CDC25A: variants seen among roughly 807,000 people sequenced by gnomAD.
CDC25A encodes the protein cell division cycle 25A.
A neutral mutation model predicts 64.6 loss-of-function variants in CDC25A; 17 were observed. The ratio of observed to expected loss-of-function variants is 0.26; its 90% CI spans 0.18 to 0.39. The LOEUF (loss-of-function observed/expected upper bound fraction) is 0.39. Ranked by LOEUF, CDC25A falls within the 10% of genes least tolerant of loss-of-function variation. CDC25A has a pLI of 1.00. For missense variants in CDC25A, 473 were observed against 654.8 expected, an observed-to-expected ratio of 0.72 and a Z score of 3.03; for synonymous variants, 229 against 238.6, an observed-to-expected ratio of 0.96 and a Z score of 0.37.
chr3:48,162,971 T>C (rs1338257628), intron 13 of CDC25A, among the ~76,000 whole-genome samples: 2 of 151,684 alleles, frequency 1.3e-5, no homozygotes, highest in East Asian at 3.9e-4. Flanking sequence ...GCCAATATAT[T>C]AAGACCCCAT....
chr3:48,181,575 G>A (rs1160699110), intron 5 of CDC25A: 22 of 1,564,264 alleles, frequency 1.4e-5, no homozygotes, highest in Middle Eastern at 1.9e-4. Context: ...CAGATTGTGC[G>A]GGACCACTGG....
intron 8 of CDC25A, among the ~76,000 whole-genome samples, chr3:48,177,080 A>G (rs1435005287): frequency 6.6e-6 from 1 of 152,238 alleles, no homozygotes; most frequent in Non-Finnish European, 1.5e-5. Flanking sequence ...ACCTAAAAAA[A>G]GTAAAGTATT....
intron 6 of CDC25A, among the ~76,000 whole-genome samples, chr3:48,178,800 A>G (rs1309842585): frequency 6.6e-6 from 1 of 152,262 alleles, no homozygotes; most frequent in Non-Finnish European, 1.5e-5. Flanking sequence ...AACATGGAAT[A>G]TAGAAAATTT....
intron 9 of CDC25A, 102 bp downstream of exon 9, chr3:48,174,171 ACAAAACCCCAG>A (rs2032370409): frequency 2.0e-6 from 2 of 1,022,686 alleles, no homozygotes; most frequent in Non-Finnish European, 2.9e-6. Flanking sequence ...ACACAACCCC[ACAAAACCCCAG>A]CAAATCTTAG....
At chr3:48,174,521 C>T in intron 8 of CDC25A, 64 bp from the exon 9 acceptor site, 1 of 1,486,176 alleles carries the variant, frequency 6.7e-7, no homozygotes, top group South Asian at 1.3e-5. Context: ...AATGGTAAGA[C>T]AAATAAACCG....
Position 48,158,410 on chromosome 3 carries a change from A to G in CDC25A, c.*535T>C, listed in dbSNP as rs2031613702. ...CCGAGGTAGTCCCTGGGATAATAAA[A>G]CCCTACCTAGAATGGCAGTATTTCA... On this transcript the variant is annotated 3_prime_UTR_variant, in exon 15 of 15. Coordinates refer to ENST00000302506, the MANE Select transcript of CDC25A (RefSeq NM_001789.3). 6.6e-6 allele frequency: 1 copy of G among 152,026 alleles called. No homozygotes were observed. Among genetic ancestry groups the G allele is most frequent in the Non-Finnish European group, 1.5e-5 (1 of 67,910 alleles). The allele number at this position is 152,026 out of a possible 1,614,324, so 9.4% of individuals were successfully genotyped here. A position where few individuals can be genotyped will look rare whatever the true frequency, so the allele number is the denominator to read the frequency against.
chr3:48,161,903 A>T (rs1559955559), intron 13 of CDC25A, among the ~76,000 whole-genome samples: 1 of 152,136 alleles, frequency 6.6e-6, no homozygotes, highest in African/African-American at 2.4e-5. Context: ...TCTACTAAAA[A>T]TACAAACATT....
At chr3:48,159,311 G>A (rs902179066) in intron 14 of CDC25A, 33 bp downstream of exon 14, 2 of 1,478,288 alleles carry the variant, frequency 1.4e-6, no homozygotes, top group Non-Finnish European at 1.9e-6. Context: ...GGGGGCAGGG[G>A]AGGAGAGATG....
At chr3:48,185,911 G>A (rs1186748695) in intron 2 of CDC25A, among the ~76,000 whole-genome samples, 1 of 152,194 alleles carries the variant, frequency 6.6e-6, no homozygotes, top group African/African-American at 2.4e-5. Context: ...TCTACATACA[G>A]AAGCCTACAT....
At chr3:48,177,808 A>G in intron 7 of CDC25A, 46 bp downstream of exon 7, 4 of 1,600,942 alleles carry the variant, frequency 2.5e-6, no homozygotes, top group Non-Finnish European at 3.4e-6. Context: ...TCCAGAGGTA[A>G]TTAATTAGTA....
Position 48,187,888 on chromosome 3 carries a change from A to AG in CDC25A, c.59dup (p.Pro21SerfsTer38), listed in dbSNP as rs2032906343. 5 of 1,545,098 alleles carry AG rather than the reference A, an allele frequency of 3.2e-6. No homozygotes were observed. The highest frequency in any genetic ancestry group is 4.4e-6 in the Non-Finnish European group (5 of 1,145,200). On this transcript the variant is annotated frameshift_variant, in exon 1 of 15. Coordinates refer to ENST00000302506, the MANE Select transcript of CDC25A (RefSeq NM_001789.3). LOFTEE classifies it high-confidence loss of function. ...CCTTCACGACGGGCTGCGACGCGGG[A>AG]GGGGGGCTGCAGGCGAAGAGCAGGC...
At chr3:48,187,655 C>T in intron 1 of CDC25A, 123 bp downstream of exon 1, 1 of 988,928 alleles carries the variant, frequency 1.0e-6, no homozygotes, top group Non-Finnish European at 1.4e-6. Flanking sequence ...GCCCGGCTGT[C>T]CCCGAGCGGC....
intron 5 of CDC25A, chr3:48,181,532 A>G (rs878867344): frequency 6.9e-7 from 1 of 1,447,688 alleles, no homozygotes; most frequent in Admixed American, 1.7e-5. Context: ...CGCGGTCGGC[A>G]CTGAGGCTGC....
chr3:48,185,920 A>C (rs1263170360), intron 2 of CDC25A, among the ~76,000 whole-genome samples: 2 of 152,200 alleles, frequency 1.3e-5, no homozygotes, highest in South Asian at 4.1e-4. Context: ...AGAAGCCTAC[A>C]TTACATTTTA....
At chr3:48,184,402 A>G (rs746698942) in intron 3 of CDC25A, among the ~76,000 whole-genome samples, 3 of 152,128 alleles carry the variant, frequency 2.0e-5, no homozygotes, top group Non-Finnish European at 2.9e-5. Context: ...TTGTAAGGCT[A>G]TGATGTCAGA....
intron 10 of CDC25A, 73 bp downstream of exon 10, chr3:48,167,773 A>G: frequency 1.2e-6 from 1 of 821,694 alleles, no homozygotes; most frequent in Non-Finnish European, 2.1e-6. Flanking sequence ...CTGGGGAGGG[A>G]GACAGGCTGA....
intron 2 of CDC25A, among the ~76,000 whole-genome samples, chr3:48,186,101 C>A (rs2032833739): frequency 6.6e-6 from 1 of 152,200 alleles, no homozygotes; most frequent in South Asian, 2.1e-4. Flanking sequence ...TACTTCCAAT[C>A]ATTTGATCCT....
At chr3:48,181,905 C>CGATTTT (rs1559963935) in intron 5 of CDC25A, among the ~76,000 whole-genome samples, 9 of 152,094 alleles carry the variant, frequency 5.9e-5, no homozygotes. Context: ...CTGATTGTCC[C>CGATTTT]GATTTTACAG....
chr3:48,158,855 G>A lies in CDC25A; in HGVS notation c.*90C>T. ...AGGCCCCCTCTCCAAATGTCACACAGCTGTCCCCTTTGCTTAAGTTTCTCT... is the reference window on the plus strand; with the variant it reads ...AGGCCCCCTCTCCAAATGTCACACAACTGTCCCCTTTGCTTAAGTTTCTCT... On this transcript the variant is annotated 3_prime_UTR_variant, in exon 15 of 15. Transcript: ENST00000302506. 1.3e-6 allele frequency: 2 copies of A among 1,483,464 alleles called. No homozygotes were observed. The highest frequency in any genetic ancestry group is 9.2e-7 in the Non-Finnish European group (1 of 1,086,082). 91.9% of individuals were successfully genotyped at this position (1,483,464 alleles called of 1,614,324 possible).
Sources: gnomAD v4.1 joint callset for allele counts (sites outside exome capture counted in the v4.1 genomes callset) on GRCh38, gnomAD v4.1.1 for gene constraint, MANE v1.5 for transcripts, NCBI Gene and HGNC (gene_info 2026-07-23, HGNC 2026-07-21) for gene names.